The following SLC35F4 variants were observed in gnomAD, a reference collection of about 807,000 sequenced individuals.
SLC35F4 encodes the protein solute carrier family 35 member F4.
SLC35F4 carries 24 observed loss-of-function variants against 44.2 expected under a neutral mutation model. The ratio of observed to expected loss-of-function variants is 0.54; its 90% CI spans 0.39 to 0.76. SLC35F4 has a LOEUF of 0.76. Among genes scored for constraint, SLC35F4 ranks in the 30% least tolerant of loss-of-function variants. SLC35F4 has a pLI of 0.00. For synonymous variants in SLC35F4, 238 were observed against 223.6 expected (o/e 1.06, Z -0.57); for missense variants, 562 against 586.1 (o/e 0.96, Z 0.42).
At chr14:57,845,389 G>C (rs1027915063) in intron 1 of SLC35F4, among the ~76,000 whole-genome samples, 1 of 152,182 alleles carries the variant, frequency 6.6e-6, no homozygotes, top group African/African-American at 2.4e-5. Context: ...TAATGAAATC[G>C]TATATGCTAT....
intron 1 of SLC35F4, among the ~76,000 whole-genome samples, chr14:57,737,684 G>C (rs1288411794): frequency 6.6e-6 from 1 of 152,152 alleles, no homozygotes; most frequent in African/African-American, 2.4e-5. Context: ...TAGTATCATA[G>C]TCCACATTTT....
intron 1 of SLC35F4, among the ~76,000 whole-genome samples, chr14:57,653,400 C>G (rs1324061308): frequency 1.3e-5 from 2 of 152,142 alleles, no homozygotes; most frequent in Non-Finnish European, 2.9e-5. Context: ...GCTAAAGAAG[C>G]AAGTGCCTGG....
intron 1 of SLC35F4, among the ~76,000 whole-genome samples, chr14:57,623,782 C>G (rs1331530829): frequency 6.6e-6 from 1 of 152,154 alleles, no homozygotes; most frequent in Non-Finnish European, 1.5e-5. Flanking sequence ...ACCAGAATCT[C>G]TGGGACACAC....
In SLC35F4 at chr14:57,605,151, C is replaced by T. The variant is rs559174657; in HGVS notation, c.104-11027G>A. Reference sequence around the variant, plus strand: ...AAGAGCTTCTGCATAGAAAGAAAACCTATTAAGGGAGTAAACAGACAACCT... The same window carrying T: ...AAGAGCTTCTGCATAGAAAGAAAACTTATTAAGGGAGTAAACAGACAACCT... On this transcript the variant is annotated intron_variant, in intron 1 of 7. Transcript: ENST00000556826. Among the ~76,000 whole-genome samples the T allele has an allele frequency of 1.4e-4, 21 of 152,196 alleles. 1 individual carries two copies. The South Asian group carries it at 3.9e-3, about 29-fold the overall frequency.
At chr14:57,616,869 C>A (rs953523830) in intron 1 of SLC35F4, among the ~76,000 whole-genome samples, 2 of 152,110 alleles carry the variant, frequency 1.3e-5, no homozygotes, top group Admixed American at 6.5e-5. Context: ...CACTCTTCTC[C>A]TGGCTATAGC....
chr14:57,759,753 C>T (rs2077079490), intron 1 of SLC35F4, among the ~76,000 whole-genome samples: 1 of 151,996 alleles, frequency 6.6e-6, no homozygotes, highest in African/African-American at 2.4e-5. Flanking sequence ...TTTGCATTTC[C>T]CTGGTGATTA....
intron 1 of SLC35F4, among the ~76,000 whole-genome samples, chr14:57,971,014 A>C (rs1258288461): frequency 1.3e-5 from 2 of 152,130 alleles, no homozygotes; most frequent in African/African-American, 4.8e-5. Flanking sequence ...GTTATGTGTT[A>C]ATTGATGGTC....
At chr14:57,798,333 G>A (rs766222127) in intron 1 of SLC35F4, among the ~76,000 whole-genome samples, 10 of 152,072 alleles carry the variant, frequency 6.6e-5, no homozygotes, top group Admixed American at 2.6e-4. Context: ...GGTCACAAGT[G>A]TGTAAAAATG....
intron 1 of SLC35F4, among the ~76,000 whole-genome samples, chr14:57,597,330 G>A (rs990150254): frequency 6.6e-6 from 1 of 152,160 alleles, no homozygotes; most frequent in Admixed American, 6.5e-5. Context: ...CATAGCAGTG[G>A]GGCCATCTTG....
At position 57,839,168 on chromosome 14, in the gene SLC35F4, A is replaced by G. The variant is rs553300988; in HGVS notation, c.103+26555T>C. 1.3e-5 allele frequency among the ~76,000 whole-genome samples: 2 copies of G among 152,292 alleles called. 1 individual carries two copies. The highest frequency in any genetic ancestry group is 4.2e-4 in the South Asian group (2 of 4,818). ...GTAGGAAAGTGAATTAGCTGAATTC[A>G]AACTCTGGATTCCAAAGCCCAGGTT... On this transcript the variant is annotated intron_variant, in intron 1 of 7. Transcript: ENST00000556826.
At chr14:57,737,951 T>G (rs2076508041) in intron 1 of SLC35F4, among the ~76,000 whole-genome samples, 2 of 152,156 alleles carry the variant, frequency 1.3e-5, no homozygotes, top group African/African-American at 4.8e-5. Context: ...GTACTAGGGG[T>G]AGGCAGAAAA....
intron 1 of SLC35F4, among the ~76,000 whole-genome samples, chr14:57,663,699 T>C (rs1440526130): frequency 2.0e-5 from 3 of 152,176 alleles, no homozygotes; most frequent in Non-Finnish European, 4.4e-5. Flanking sequence ...GAGCCACAGG[T>C]AACTAAAATC....
At chr14:57,902,551 G>A (rs1332531911) in intron 1 of SLC35F4, among the ~76,000 whole-genome samples, 4 of 129,176 alleles carry the variant, frequency 3.1e-5, no homozygotes, top group African/African-American at 6.3e-5. Flanking sequence ...CAACAAGAGC[G>A]AAACTCAGTC....
intron 1 of SLC35F4, among the ~76,000 whole-genome samples, chr14:57,633,274 G>A (rs899141852): frequency 6.6e-6 from 1 of 152,106 alleles, no homozygotes; most frequent in Non-Finnish European, 1.5e-5. Context: ...GGATTTTACA[G>A]TAAGAGTATA....
At chr14:57,794,879 A>G (rs1225081805) in intron 1 of SLC35F4, among the ~76,000 whole-genome samples, 1 of 152,154 alleles carries the variant, frequency 6.6e-6, no homozygotes, top group African/African-American at 2.4e-5. Flanking sequence ...TTCAACTATT[A>G]TATGTACTGG....
chr14:57,798,161 A>G (rs1278581322), intron 1 of SLC35F4, among the ~76,000 whole-genome samples: 4 of 147,794 alleles, frequency 2.7e-5, no homozygotes, highest in African/African-American at 1.0e-4. Flanking sequence ...GTGATAGACC[A>G]CTGAGGTTTA....
At chr14:57,656,864 C>T (rs1397850797) in intron 1 of SLC35F4, among the ~76,000 whole-genome samples, 2 of 152,138 alleles carry the variant, frequency 1.3e-5, no homozygotes, top group Non-Finnish European at 1.5e-5. Flanking sequence ...CCCATCTGTG[C>T]TTCTGTGATA....
At chr14:57,912,616 T>C (rs1664724827) in intron 1 of SLC35F4, among the ~76,000 whole-genome samples, 1 of 152,044 alleles carries the variant, frequency 6.6e-6, no homozygotes, top group African/African-American at 2.4e-5. Context: ...TTAATTCCAT[T>C]ATTGTCTGAC....
chr14:57,940,241 T>G (rs1006717056), intron 1 of SLC35F4, among the ~76,000 whole-genome samples: 4 of 152,218 alleles, frequency 2.6e-5, no homozygotes, highest in Non-Finnish European at 5.9e-5. Flanking sequence ...ATTCTATTTT[T>G]GGAAATTGAC....
Sources: gnomAD v4.1 joint callset for allele counts (sites outside exome capture counted in the v4.1 genomes callset) on GRCh38, gnomAD v4.1.1 for gene constraint, MANE v1.5 for transcripts, NCBI Gene and HGNC (gene_info 2026-07-23, HGNC 2026-07-21) for gene names.